Variants in SNRNP200 observed in about 807,000 individuals in gnomAD.
The protein encoded by SNRNP200 is U5 small nuclear ribonucleoprotein 200 kDa helicase.
A neutral mutation model predicts 255.2 loss-of-function variants in SNRNP200; 66 were observed. The ratio of observed to expected loss-of-function variants is 0.26; its 90% CI spans 0.21 to 0.32. The LOEUF is 0.32. SNRNP200 is among the 10% of genes least tolerant of loss of function. The pLI, the probability that SNRNP200 is intolerant of heterozygous loss-of-function variation, is 1.00. For synonymous variants in SNRNP200, 939 were observed against 1,027.8 expected (o/e 0.91, Z 1.65); for missense variants, 1,585 against 2,749.8 (o/e 0.58, Z 9.47).
intron 1 of SNRNP200, 130 bp from the exon 2 acceptor site, chr2:96,304,998 A>T (rs2063978354): frequency 9.1e-7 from 1 of 1,096,930 alleles, no homozygotes; most frequent in Non-Finnish European, 1.3e-6. Flanking sequence ...ATAAAAATAT[A>T]TTTTCCTTAA....
chr2:96,284,675 C>T (rs1219335485), intron 30 of SNRNP200, 90 bp from the exon 31 acceptor site: 4 of 863,738 alleles, frequency 4.6e-6, no homozygotes, highest in Non-Finnish European at 7.8e-6. Context: ...CCAAACAGAC[C>T]TGTTGACCTG....
rs267599495 is a variant in SNRNP200 at position 96,283,686 on chromosome 2, G to A, written c.4612C>T (p.Arg1538Cys). ...ACAGGCTTGGCCATGGAGAGCAGGC[G>A]GGTTTGTGTATGGCTGATGTTGAAG... ...QGFNISHTQT[R>C]LLSMAKPVYH... The change falls in exon 33 of 45, where the codon CGC becomes TGC. Residue 1538 changes from arginine (R) to cysteine (C), a missense_variant. By Grantham distance (180) the Arg-to-Cys change is radical. This residue lies in a region of SNRNP200 where 719 missense variants were observed against 1,091.1 expected (regional missense o/e 0.66). Coordinates refer to ENST00000323853, the MANE Select transcript of SNRNP200 (RefSeq NM_014014.5). The surrounding 1 kb of genome is among the most constrained non-coding windows in gnomAD (Gnocchi z 4.7). 11 of 1,614,002 alleles carry A rather than the reference G, an allele frequency of 6.8e-6. No individual in the cohort carries two copies. The highest frequency in any genetic ancestry group is 3.3e-5 in the Admixed American group (2 of 60,000).
At chr2:96,282,809 T>C in intron 34 of SNRNP200, 1 of 326,124 alleles carries the variant, frequency 3.1e-6, no homozygotes. Context: ...CAGAACTGAG[T>C]CAATTAAACC....
At position 96,295,665 on chromosome 2, in the gene SNRNP200, G is replaced by A. The variant is rs1307868621; in HGVS notation, c.1672-7C>T. ...TGCCATAAGTGGCCAGGCGCTGTGG[G>A]AGGAAAACTACATCAGGCAGGAATG... On this transcript the variant is annotated splice_polypyrimidine_tract_variant and splice_region_variant and intron_variant, in intron 13 of 44. Transcript: ENST00000323853. 6 of 1,613,126 alleles carry A rather than the reference G, an allele frequency of 3.7e-6. No homozygotes were observed. The highest frequency in any genetic ancestry group is 5.1e-6 in the Non-Finnish European group (6 of 1,179,972).
Position 96,291,656 on chromosome 2 carries a change from CAAT to C in SNRNP200, c.2310+92_2310+94del. ...ATCAACCTTAACCCATGGGAAACAA[CAAT>C]ACCACAGTACAGTCCTAGAGGAGCT... is the stretch of plus-strand genomic sequence containing the variant. On this transcript the variant is annotated intron_variant, in intron 17 of 44. Coordinates refer to ENST00000323853, the MANE Select transcript of SNRNP200 (RefSeq NM_014014.5). This position sits in a 1 kb window ranked among gnomAD's most constrained non-coding sequence, Gnocchi z 4.2. 16 of 1,452,594 alleles carry C rather than the reference CAAT, an allele frequency of 1.1e-5. No individual in the cohort carries two copies. Among genetic ancestry groups the C allele is most frequent in the Non-Finnish European group, 1.5e-5 (16 of 1,036,984 alleles). 90.0% of individuals were successfully genotyped at this position (1,452,594 alleles called of 1,614,324 possible). A position where few individuals can be genotyped will look rare whatever the true frequency, so the allele number is the denominator to read the frequency against.
chr2:96,289,808 G>A lies in SNRNP200; in HGVS notation c.2931C>T (p.Gly977=). 1 of 1,614,048 alleles carries A rather than the reference G, an allele frequency of 6.2e-7. No homozygotes were observed. The highest frequency in any genetic ancestry group is 8.5e-7 in the Non-Finnish European group (1 of 1,180,018). The stretch of plus-strand genomic sequence containing the variant: ...CCCTCACCCCACGCACCTGGAAGTT[G>A]CCCGTCTTCTTGTCGTACTTGACCA... The part of the protein sequence containing the change: ...NNLVKYDKKT[G]NFQVTELGRI... The change falls in exon 21 of 45, where the codon GGC becomes GGT. Residue 977 remains glycine, a synonymous_variant. Coordinates refer to ENST00000323853, the MANE Select transcript of SNRNP200 (RefSeq NM_014014.5).
rs758995099 is a variant in SNRNP200, at chr2:96,297,617, T to C, written c.1203+20A>G. ...TTTCCATCCATCAAGGCCTGGGAAA[T>C]AAATCGCCCTGGATCCTACCTCTCC... On this transcript the variant is annotated intron_variant, in intron 10 of 44. Coordinates refer to ENST00000323853, the MANE Select transcript of SNRNP200 (RefSeq NM_014014.5). 6.2e-7 allele frequency: 1 copy of C among 1,614,170 alleles called. No individual in the cohort carries two copies. The highest frequency in any genetic ancestry group is 1.7e-5 in the Admixed American group (1 of 60,014).
At chr2:96,284,311 C>G in intron 31 of SNRNP200, 47 bp downstream of exon 31, 1 of 1,542,264 alleles carries the variant, frequency 6.5e-7, no homozygotes. Context: ...GCCAAGGCCA[C>G]TTGGTCAGTC....
chr2:96,290,197 C>A lies in SNRNP200; in HGVS notation c.2742+129G>T. 8.8e-7 allele frequency: 1 copy of A among 1,137,880 alleles called. No individual in the cohort carries two copies. The highest frequency in any genetic ancestry group is 1.3e-6 in the Non-Finnish European group (1 of 748,640). The allele number at this position is 1,137,880 out of a possible 1,614,324, so 70.5% of individuals were successfully genotyped here. A position where few individuals can be genotyped will look rare whatever the true frequency, so the allele number is the denominator to read the frequency against. ...TAACAAGGGGAACTATCTGCCAGAC[C>A]CAAGATGTGGGTGCAGGGATGGAAG... On this transcript the variant is annotated intron_variant, in intron 20 of 44. Transcript: ENST00000323853. The surrounding 1 kb of genome is among the most constrained non-coding windows in gnomAD (Gnocchi z 4.5).
In SNRNP200 at chr2:96,287,910, C is replaced by T; in HGVS notation, c.3318G>A (p.Gln1106=). The change falls in exon 25 of 45, where the codon CAG becomes CAA. Residue 1106 remains glutamine, a synonymous_variant. Coordinates refer to ENST00000323853, the MANE Select transcript of SNRNP200 (RefSeq NM_014014.5). The surrounding 1 kb of genome is among the most constrained non-coding windows in gnomAD (Gnocchi z 5.7). ...AGAGGTTCAGGGTCTTGTCTGTAAG[C>T]TGTGCCCAACCTCGGTTCAGGACAA... is the stretch of plus-strand genomic sequence containing the variant. ...FEIVLNRGWA[Q]LTDKTLNLCK... The T allele has an allele frequency of 6.2e-7, 1 of 1,614,258 alleles. No homozygotes were observed. The highest frequency in any genetic ancestry group is 8.5e-7 in the Non-Finnish European group (1 of 1,180,048).
rs1009361271 is a variant in SNRNP200 at position 96,298,387 on chromosome 2, C to T, written c.1016G>A (p.Ser339Asn). 5 of 1,613,988 alleles carry T rather than the reference C, an allele frequency of 3.1e-6. No individual in the cohort carries two copies. The highest frequency in any genetic ancestry group is 3.3e-5 in the Admixed American group (2 of 59,990). The change falls in exon 9 of 45, where the codon AGT becomes AAT. Residue 339 changes from serine to asparagine, a missense_variant. By Grantham distance (46) the Ser-to-Asn change is conservative. This residue lies in a region of SNRNP200 where 383 missense variants were observed against 645.3 expected (regional missense o/e 0.59). Transcript: ENST00000323853. ...CATAATCCTTTCCTTTTCAGCTTCA[C>T]TTTGTGCACTGGCCAGCAAGGTACA... ...LYCTLLASAQ[S>N]EAEKERIMGK...
At chr2:96,281,784 G>A (rs748905769) in intron 35 of SNRNP200, 30 bp downstream of exon 35, 2 of 1,486,502 alleles carry the variant, frequency 1.3e-6, no homozygotes, top group Admixed American at 1.7e-5. Context: ...AAGGAGGTCT[G>A]TGCTAACACA....
Position 96,283,570 on chromosome 2 carries a change from G to A in SNRNP200, c.4728C>T (p.Ile1576=), listed in dbSNP as rs377641548. Residue 1576 remains isoleucine (I), a synonymous_variant, in exon 33 of 45, where the codon ATC becomes ATT. Transcript: ENST00000323853. This position sits in a 1 kb window ranked among gnomAD's most constrained non-coding sequence, Gnocchi z 4.7. ...GGATGTCTGCTGCACAGGTGGTGAG[G>A]ATGTCAATGGCAGTGAGGCGGGTCT... The part of the protein sequence containing the change: ...RKQTRLTAID[I]LTTCAADIQR... 7.2e-5 allele frequency: 116 copies of A among 1,614,038 alleles called. No individual in the cohort carries two copies. The highest frequency in any genetic ancestry group is 8.9e-5 in the Non-Finnish European group (105 of 1,180,034).
chr2:96,296,730 G>A (rs368176053), intron 12 of SNRNP200, 39 bp from the exon 13 acceptor site: 18 of 1,611,246 alleles, frequency 1.1e-5, no homozygotes, highest in African/African-American at 2.7e-5. Flanking sequence ...CTATTCACCT[G>A]GTTATTCTCA....
rs757591159 is a variant in SNRNP200, at chr2:96,287,851, C to T, written c.3365+12G>A. On this transcript the variant is annotated intron_variant, in intron 25 of 44. Coordinates refer to ENST00000323853, the MANE Select transcript of SNRNP200 (RefSeq NM_014014.5). This position sits in a 1 kb window ranked among gnomAD's most constrained non-coding sequence, Gnocchi z 5.7. ...CTCATGGTGACCAGCATCCAGCTCA[C>T]TGGGTCCTTACATGCGTTTGTCGAT... 2 of 1,612,442 alleles carry T rather than the reference C, an allele frequency of 1.2e-6. No individual in the cohort carries two copies. Among genetic ancestry groups the T allele is most frequent in the African/African-American group, 1.3e-5 (1 of 74,918 alleles).
At chr2:96,280,743 T>C (rs1192019524) in intron 35 of SNRNP200, among the ~76,000 whole-genome samples, 1 of 151,028 alleles carries the variant, frequency 6.6e-6, no homozygotes, top group Admixed American at 6.6e-5. Flanking sequence ...AGAAACAGGG[T>C]TTCACCACAT....
At chr2:96,299,188 A>G in intron 6 of SNRNP200, 141 bp downstream of exon 6, 1 of 970,048 alleles carries the variant, frequency 1.0e-6, no homozygotes. Context: ...AAATTTTAAG[A>G]AACTCTAGAC....
intron 43 of SNRNP200, among the ~76,000 whole-genome samples, chr2:96,275,641 G>A (rs2104327795): frequency 1.3e-5 from 2 of 152,300 alleles, no homozygotes; most frequent in Middle Eastern, 6.8e-3. Flanking sequence ...TAGAGGTCTA[G>A]TCTTTGGGGC....
At chr2:96,279,895 A>C (rs1684730421) in intron 35 of SNRNP200, 1 of 325,906 alleles carries the variant, frequency 3.1e-6, no homozygotes, top group African/African-American at 2.1e-5. Flanking sequence ...TTAATTAAAA[A>C]AAATTATTAT....
Sources: gnomAD v4.1 joint callset for allele counts (sites outside exome capture counted in the v4.1 genomes callset) on GRCh38, gnomAD v4.1.1 for gene constraint, gnomAD v4.1.1 regional missense constraint, Gnocchi (gnomAD v3.1) non-coding constraint, MANE v1.5 for transcripts, NCBI Gene and HGNC (gene_info 2026-07-23, HGNC 2026-07-21) for gene names.